PDCD6: variants seen among roughly 807,000 people sequenced by gnomAD.
PDCD6 encodes programmed cell death 6.
Under a neutral mutation model 28.3 loss-of-function variants are expected in PDCD6, and 12 were observed. That is an observed-to-expected ratio of 0.42 (90% CI 0.27 to 0.69). The LOEUF (loss-of-function observed/expected upper bound fraction) is 0.69, where lower values mean the gene tolerates loss of function less well. Among genes scored for constraint, PDCD6 ranks in the 30% least tolerant of loss-of-function variants. The pLI is 0.22. For missense variants in PDCD6, 226 were observed against 269.9 expected, an observed-to-expected ratio of 0.84 and a Z score of 1.14; for synonymous variants, 92 against 108.0, an observed-to-expected ratio of 0.85 and a Z score of 0.92.
Position 314,424 on chromosome 5 carries a change from C to T in PDCD6, c.485C>T (p.Thr162Met), listed in dbSNP as rs761008685. The change falls in exon 6 of 6, where the codon ACG (threonine) becomes ATG (methionine). Residue 162 changes from threonine to methionine, a missense_variant. Thr to Met is a moderately conservative substitution (Grantham distance 81, BLOSUM62 -1). Transcript: ENST00000264933. ...TGCCTGTTTTCTCCCCAGAGGTTGACGGATATATTCAGACGTTACGACACG... is the reference window on the plus strand; with the variant it reads ...TGCCTGTTTTCTCCCCAGAGGTTGATGGATATATTCAGACGTTACGACACG... Reference protein sequence around the residue: ...IQGCIVLQRLTDIFRRYDTDQ... With the variant: ...IQGCIVLQRLMDIFRRYDTDQ... 49 of 1,610,298 alleles carry T rather than the reference C, an allele frequency of 3.0e-5. 2 individuals carry two copies. In the South Asian group the frequency reaches 4.4e-4, roughly 14 times the overall value.
intron 3 of PDCD6, 24 bp from the exon 4 acceptor site, chr5:306,578 C>T (rs200827626): frequency 4.4e-6 from 7 of 1,609,062 alleles, no homozygotes; most frequent in African/African-American, 1.3e-5. Context: ...TCTTTTGCTG[C>T]TTGACCGTTC....
intron 2 of PDCD6, among the ~76,000 whole-genome samples, chr5:275,413 G>C (rs1385268598): frequency 6.6e-6 from 1 of 152,196 alleles, no homozygotes; most frequent in Non-Finnish European, 1.5e-5. Context: ...CTGGAGCTGC[G>C]CGTGTTCTCA....
intron 2 of PDCD6, among the ~76,000 whole-genome samples, chr5:297,683 G>A (rs1386581936): frequency 2.6e-5 from 4 of 152,154 alleles, no homozygotes; most frequent in Non-Finnish European, 4.4e-5. Flanking sequence ...TCAGCCAATC[G>A]CAAACGGCCC....
At chr5:292,285 G>C (rs1417883888) in intron 2 of PDCD6, among the ~76,000 whole-genome samples, 1 of 152,170 alleles carries the variant, frequency 6.6e-6, no homozygotes, top group Non-Finnish European at 1.5e-5. Flanking sequence ...TTGAGACAGA[G>C]TCTCACTCTG....
At chr5:292,182 T>C (rs1024648906) in intron 2 of PDCD6, among the ~76,000 whole-genome samples, 1 of 152,204 alleles carries the variant, frequency 6.6e-6, no homozygotes, top group Non-Finnish European at 1.5e-5. Context: ...ACATTTCCTC[T>C]TCTGTGGAGG....
In PDCD6 at chr5:281,868, C is replaced by T. The variant is rs1381958533; in HGVS notation, c.163+9096C>T. Among the ~76,000 whole-genome samples, 12 of 122,132 alleles carry T rather than the reference C, an allele frequency of 9.8e-5. No homozygotes were observed. The South Asian group carries it at 1.6e-3, about 17-fold the overall frequency. 80.1% of individuals were successfully genotyped at this position (122,132 alleles called of 152,430 possible). ...GACTCGGGGATGAGCTGATGTTGTTCGCTTTGAGGGTCTTTCAGCTGAAGA... is the reference window on the plus strand; with the variant it reads ...GACTCGGGGATGAGCTGATGTTGTTTGCTTTGAGGGTCTTTCAGCTGAAGA... On this transcript the variant is annotated intron_variant, in intron 2 of 5. Coordinates refer to ENST00000264933, the MANE Select transcript of PDCD6 (RefSeq NM_013232.4).
At chr5:289,440 G>T in intron 2 of PDCD6, 1 of 690,550 alleles carries the variant, frequency 1.4e-6, no homozygotes, top group Non-Finnish European at 2.6e-6. Context: ...TCTTCTGTAC[G>T]CGCTGCCGGG....
At chr5:272,149 G>A (rs1432276840) in intron 1 of PDCD6, among the ~76,000 whole-genome samples, 2 of 150,882 alleles carry the variant, frequency 1.3e-5, no homozygotes, top group Non-Finnish European at 2.9e-5. Flanking sequence ...GCAGACCCGA[G>A]GTCGCGGCCA....
chr5:289,886 A>C (rs1270348848), intron 2 of PDCD6: 1 of 1,511,358 alleles, frequency 6.6e-7, no homozygotes, highest in East Asian at 2.3e-5. Context: ...ATTCGATTTA[A>C]ACTATTGGAA....
intron 2 of PDCD6, among the ~76,000 whole-genome samples, chr5:279,514 C>T (rs543750085): frequency 1.5e-4 from 23 of 152,210 alleles, no homozygotes; most frequent in Middle Eastern, 3.4e-3. Flanking sequence ...AGCCACGCCA[C>T]GGGTGCAGCA....
chr5:282,274 G>A (rs1029611707), intron 2 of PDCD6, among the ~76,000 whole-genome samples: 4 of 63,062 alleles, frequency 6.3e-5, no homozygotes, highest in African/African-American at 4.9e-4. Flanking sequence ...GGAAAAATCG[G>A]GGGGGGGGGA....
chr5:289,426 A>G, intron 2 of PDCD6: 3 of 678,548 alleles, frequency 4.4e-6, no homozygotes, highest in Non-Finnish European at 8.0e-6. Flanking sequence ...CTTCCTCTTC[A>G]TCCTCTTCTG....
In PDCD6 at chr5:288,287, A is replaced by G. The variant is rs1038326462; in HGVS notation, c.163+15515A>G. Among the ~76,000 whole-genome samples the G allele has an allele frequency of 9.0e-5, 8 of 89,028 alleles. No homozygotes were observed. The Admixed American group carries it at 9.4e-4, about 10-fold the overall frequency. 58.4% of individuals were successfully genotyped at this position (89,028 alleles called of 152,430 possible). ...AACATTTCCCCCCTTAAAATAATAT[A>G]TATATTATATATATATATATATATA... is the stretch of plus-strand genomic sequence containing the variant. On this transcript the variant is annotated intron_variant, in intron 2 of 5. Transcript: ENST00000264933.
Position 307,549 on chromosome 5 carries a change from G to T in PDCD6, c.367+789G>T, listed in dbSNP as rs1740605735. ...GCCTGTCCACGGGGCTTCCCGTGCT[G>T]CTCTCAGGGCTGAGAGGAAGCAGGG... is the stretch of plus-strand genomic sequence containing the variant. On this transcript the variant is annotated intron_variant, in intron 4 of 5. Transcript: ENST00000264933. This position sits in a 1 kb window ranked among gnomAD's most constrained non-coding sequence, Gnocchi z 6.1. Among the ~76,000 whole-genome samples, 1 of 152,192 alleles carries T rather than the reference G, an allele frequency of 6.6e-6. No individual in the cohort carries two copies. Among genetic ancestry groups the T allele is most frequent in the Non-Finnish European group, 1.5e-5 (1 of 68,034 alleles).
At chr5:272,411 T>C (rs1446706282) in intron 1 of PDCD6, among the ~76,000 whole-genome samples, 1 of 149,334 alleles carries the variant, frequency 6.7e-6, no homozygotes. Flanking sequence ...CTTAGTTATC[T>C]GAGGGAATCT....
At chr5:279,807 CGAG>C (rs1330417075) in intron 2 of PDCD6, among the ~76,000 whole-genome samples, 50 of 88,806 alleles carry the variant, frequency 5.6e-4, no homozygotes, top group African/African-American at 1.1e-3. Flanking sequence ...AAAAAAAAAA[CGAG>C]GAGCCGGTGC....
chr5:303,423 T>C (rs779964534), intron 2 of PDCD6, among the ~76,000 whole-genome samples: 6 of 151,900 alleles, frequency 3.9e-5, no homozygotes, highest in Admixed American at 1.3e-4. Context: ...AAGGTACAAA[T>C]CACTCTGAAG....
chr5:305,763 G>A lies in PDCD6; in HGVS notation c.209-839G>A, dbSNP rs1740438781. ...CGTGGAACGGTGCACGTCGTGGAAC[G>A]GTTGTGTGAAAAACAGCCACTGGTT... On this transcript the variant is annotated intron_variant, in intron 3 of 5. Transcript: ENST00000264933. This position sits in a 1 kb window ranked among gnomAD's most constrained non-coding sequence, Gnocchi z 4.0. 6.6e-6 allele frequency: 1 copy of A among 152,228 alleles called. No homozygotes were observed. The highest frequency in any genetic ancestry group is 2.4e-5 in the African/African-American group (1 of 41,454). 9.4% of individuals were successfully genotyped at this position (152,228 alleles called of 1,614,324 possible).
rs756330213 is a variant in PDCD6 at position 311,357 on chromosome 5, G to T, written c.432G>T (p.Gly144=). Residue 144 remains glycine (G), a synonymous_variant, in exon 5 of 6, where the codon GGG becomes GGT. Transcript: ENST00000264933. ...LIRKFDRQGR[G]QIAFDDFIQG... is the part of the protein sequence containing the mutation. Reference sequence around the variant, plus strand: ...GAAAGTTTGACAGGCAGGGACGGGGGCAGATTGCCTTCGACGACTTCATCC... The same window carrying T: ...GAAAGTTTGACAGGCAGGGACGGGGTCAGATTGCCTTCGACGACTTCATCC... The T allele has an allele frequency of 7.4e-5, 120 of 1,613,948 alleles. No individual in the cohort carries two copies. Among genetic ancestry groups the T allele is most frequent in the Non-Finnish European group, 9.3e-5 (110 of 1,179,948 alleles).
Sources: gnomAD v4.1 joint callset for allele counts (sites outside exome capture counted in the v4.1 genomes callset) on GRCh38, gnomAD v4.1.1 for gene constraint, Gnocchi (gnomAD v3.1) non-coding constraint, MANE v1.5 for transcripts, NCBI Gene and HGNC (gene_info 2026-07-23, HGNC 2026-07-21) for gene names.